Variants in FSD1 observed in about 807,000 individuals in gnomAD.
The protein encoded by FSD1 is fibronectin type III and SPRY domain containing 1, also known as fibronectin type III and SPRY domain-containing protein 1.
Under a neutral mutation model 58.2 loss-of-function variants are expected in FSD1, and 23 were observed. The observed-to-expected ratio is 0.40, with a 90% CI of 0.28 to 0.56. The LOEUF (loss-of-function observed/expected upper bound fraction) is 0.56, where lower values mean the gene tolerates loss of function less well. FSD1 is among the 20% of genes least tolerant of loss of function. The pLI is 0.54. For missense variants in FSD1, 563 were observed against 670.8 expected (o/e 0.84, Z 1.78); for synonymous variants, 265 against 263.4 (o/e 1.01, Z -0.06).
rs548611440 is a variant in FSD1, at chr19:4,318,770, C to G, written c.960-102C>G. ...GAGCCAAATACTGCCAGAGATTGAC[C>G]CAACATCCACGGTGGCTGGGGTGGA... is the stretch of plus-strand genomic sequence containing the variant. On this transcript the variant is annotated intron_variant, in intron 9 of 12. Transcript: ENST00000221856. 8 of 954,606 alleles carry G rather than the reference C, an allele frequency of 8.4e-6. No homozygotes were observed. In the East Asian group the frequency reaches 1.9e-4, roughly 23 times the overall value. 59.1% of individuals were successfully genotyped at this position (954,606 alleles called of 1,614,324 possible).
At chr19:4,310,787 C>T (rs1971681483) in intron 6 of FSD1, 191 bp downstream of exon 6, 1 of 594,128 alleles carries the variant, frequency 1.7e-6, no homozygotes, top group Admixed American at 3.1e-5. Flanking sequence ...TGGGTGGAGC[C>T]ATGGGAAGAC....
chr19:4,305,996 T>C lies in FSD1; in HGVS notation c.66T>C (p.Ile22=), dbSNP rs1971616510. The C allele has an allele frequency of 6.2e-7, 1 of 1,613,864 alleles. No homozygotes were observed. The highest frequency in any genetic ancestry group is 1.3e-5 in the African/African-American group (1 of 74,842). Residue 22 remains isoleucine (I), a synonymous_variant, in exon 2 of 13, where the codon ATT becomes ATC. Transcript: ENST00000221856. ...IKTLAVKNEE[I]QSFIYSLKQM... is the part of the protein sequence containing the mutation. ...CACTGGCTGTGAAGAATGAAGAAAT[T>C]CAGAGCTTTATCTACTCCCTGAAAC...
chr19:4,305,876 A>G (rs747342815), intron 1 of FSD1, 70 bp from the exon 2 acceptor site: 53 of 1,141,820 alleles, frequency 4.6e-5, no homozygotes, highest in Non-Finnish European at 6.1e-5. Flanking sequence ...ACATGTGCGT[A>G]CACGTGTGTG....
At position 4,323,342 on chromosome 19, in the gene FSD1, C is replaced by T. The variant is rs1428788579; in HGVS notation, c.1292-6C>T. On this transcript the variant is annotated splice_polypyrimidine_tract_variant and splice_region_variant and intron_variant, in intron 11 of 12. Transcript: ENST00000221856. The surrounding 1 kb of genome is among the most constrained non-coding windows in gnomAD (Gnocchi z 7.7). ...GTCCCACTGTCACTCTGCCCCCCGA[C>T]CCCAGGCCTCCTGTCCTTCTACAAT... The T allele has an allele frequency of 1.2e-6, 2 of 1,613,282 alleles. No individual in the cohort carries two copies. Among genetic ancestry groups the T allele is most frequent in the Admixed American group, 3.3e-5 (2 of 59,990 alleles).
chr19:4,310,312 T>C lies in FSD1; in HGVS notation c.368+17T>C. ...CAAAGATGGGTAAGACACTGGGGTC[T>C]GGCCCCCACCCCACTACCCTGCCCC... On this transcript the variant is annotated intron_variant, in intron 5 of 12. Coordinates refer to ENST00000221856, the MANE Select transcript of FSD1 (RefSeq NM_024333.3). 1 of 1,613,796 alleles carries C rather than the reference T, an allele frequency of 6.2e-7. No homozygotes were observed. The highest frequency in any genetic ancestry group is 1.1e-5 in the South Asian group (1 of 91,080).
chr19:4,321,530 G>A (rs1971818421), intron 10 of FSD1, among the ~76,000 whole-genome samples: 1 of 151,634 alleles, frequency 6.6e-6, no homozygotes, highest in African/African-American at 2.4e-5. Context: ...GGGGGGAATA[G>A]CTGGGACTGA....
chr19:4,323,499 T>TGTG lies in FSD1; in HGVS notation c.1381-33_1381-32insTGG. The TGTG allele has an allele frequency of 1.3e-6, 2 of 1,577,820 alleles. No individual in the cohort carries two copies. The highest frequency in any genetic ancestry group is 1.7e-6 in the Non-Finnish European group (2 of 1,148,726). Reference sequence around the variant, plus strand: ...GGTGCTGGGCGCTGGGGTTTGAAGCTGAGCCCCTCCCCCCTCCCCCCGCTG... The same window carrying TGTG: ...GGTGCTGGGCGCTGGGGTTTGAAGCTGTGGAGCCCCTCCCCCCTCCCCCCGCTG... On this transcript the variant is annotated intron_variant, in intron 12 of 12. Coordinates refer to ENST00000221856, the MANE Select transcript of FSD1 (RefSeq NM_024333.3). This position sits in a 1 kb window ranked among gnomAD's most constrained non-coding sequence, Gnocchi z 7.7.
At chr19:4,310,386 C>T in intron 5 of FSD1, 89 bp from the exon 6 acceptor site, 7 of 1,608,366 alleles carry the variant, frequency 4.4e-6, no homozygotes, top group African/African-American at 1.3e-5. Flanking sequence ...TCTCAGAGCC[C>T]TGGACGGGAG....
intron 6 of FSD1, 27 bp from the exon 7 acceptor site, chr19:4,311,815 A>G (rs1041552514): frequency 2.0e-5 from 32 of 1,609,918 alleles, no homozygotes; most frequent in Non-Finnish European, 2.5e-5. Flanking sequence ...CAGAATCCCG[A>G]CCCCCTCTCC....
intron 8 of FSD1, among the ~76,000 whole-genome samples, chr19:4,317,871 G>T (rs1021916802): frequency 6.6e-6 from 1 of 152,124 alleles, no homozygotes; most frequent in East Asian, 1.9e-4. Context: ...ACAAAAATTA[G>T]CTGGGAGTGG....
chr19:4,323,554 G>A lies in FSD1; in HGVS notation c.1402G>A (p.Val468Met), dbSNP rs1206471417. 6.2e-7 allele frequency: 1 copy of A among 1,612,498 alleles called. No individual in the cohort carries two copies. The highest frequency in any genetic ancestry group is 8.5e-7 in the Non-Finnish European group (1 of 1,179,456). Reference protein sequence around the residue: ...AFTVWCGSFQVTTGLQVPSAV... With the variant: ...AFTVWCGSFQMTTGLQVPSAV... ...TCAGGTATGGTGTGGCAGCTTCCAG[G>A]TGACGACAGGCCTGCAGGTCCCCAG... Residue 468 changes from valine to methionine, a missense_variant, in exon 13 of 13, where the codon GTG becomes ATG. Coordinates refer to ENST00000221856, the MANE Select transcript of FSD1 (RefSeq NM_024333.3). This position sits in a 1 kb window ranked among gnomAD's most constrained non-coding sequence, Gnocchi z 7.7.
chr19:4,319,832 T>G (rs533561783), intron 10 of FSD1, among the ~76,000 whole-genome samples: 1 of 152,126 alleles, frequency 6.6e-6, no homozygotes, highest in East Asian at 1.9e-4. Flanking sequence ...AAGACGTGTA[T>G]AGAGGTTCAT....
chr19:4,323,760 G>C lies in FSD1; in HGVS notation c.*117G>C. 1 of 719,858 alleles carries C rather than the reference G, an allele frequency of 1.4e-6. No homozygotes were observed. Among genetic ancestry groups the C allele is most frequent in the Non-Finnish European group, 2.3e-6 (1 of 437,012 alleles). The allele number at this position is 719,858 out of a possible 1,614,324, so 44.6% of individuals were successfully genotyped here. A position where few individuals can be genotyped will look rare whatever the true frequency, so the allele number is the denominator to read the frequency against. On this transcript the variant is annotated 3_prime_UTR_variant, in exon 13 of 13. Coordinates refer to ENST00000221856, the MANE Select transcript of FSD1 (RefSeq NM_024333.3). The surrounding 1 kb of genome is among the most constrained non-coding windows in gnomAD (Gnocchi z 7.7). ...TGCTTGGAGCCTTAACTCCAGATGG[G>C]GGGGTCACCAAGAGGGAGTGGGCAC...
At chr19:4,305,867 CATGTGCGTACACGTGTGTGT>C in intron 1 of FSD1, 59 bp from the exon 2 acceptor site, 2 of 1,032,904 alleles carry the variant, frequency 1.9e-6, no homozygotes, top group South Asian at 1.3e-5. Flanking sequence ...CACGTGTGTA[CATGTGCGTACACGTGTGTGT>C]ACCTGTGTGC....
At chr19:4,308,676 A>AC (rs1971652624) in intron 4 of FSD1, among the ~76,000 whole-genome samples, 2 of 151,976 alleles carry the variant, frequency 1.3e-5, no homozygotes, top group African/African-American at 2.4e-5. Flanking sequence ...ACACAGTGAA[A>AC]CCCCGTCTCT....
chr19:4,308,962 C>G (rs1189520489), intron 4 of FSD1, among the ~76,000 whole-genome samples: 1 of 152,142 alleles, frequency 6.6e-6, no homozygotes, highest in Non-Finnish European at 1.5e-5. Flanking sequence ...GTAGTCCCAG[C>G]TACTCAGGAG....
intron 6 of FSD1, 22 bp downstream of exon 6, chr19:4,310,618 G>T (rs1156237432): frequency 6.2e-7 from 1 of 1,606,066 alleles, no homozygotes; most frequent in Admixed American, 1.7e-5. Flanking sequence ...ACGCACTAGA[G>T]GGCCAGGACT....
chr19:4,314,839 A>G (rs529260947), intron 7 of FSD1, among the ~76,000 whole-genome samples: 1 of 152,272 alleles, frequency 6.6e-6, no homozygotes, highest in Non-Finnish European at 1.5e-5. Context: ...GTTTTCTCCC[A>G]TGTGTAAATT....
chr19:4,321,065 C>G (rs539440651), intron 10 of FSD1, among the ~76,000 whole-genome samples: 1 of 134,930 alleles, frequency 7.4e-6, no homozygotes, highest in African/African-American at 2.9e-5. Flanking sequence ...TGGGGAGTAT[C>G]TGGAGGGAAA....
Sources: allele counts gnomAD v4.1 joint callset (sites outside exome capture counted in the v4.1 genomes callset), GRCh38; gene constraint gnomAD v4.1.1; non-coding constraint Gnocchi (gnomAD v3.1); transcripts MANE v1.5; gene names NCBI Gene and HGNC (gene_info 2026-07-23, HGNC 2026-07-21).